The following DGKB variants were observed in gnomAD, a reference collection of about 807,000 sequenced individuals.
DGKB encodes diacylglycerol kinase beta.
A neutral mutation model predicts 114.3 loss-of-function variants in DGKB; 67 were observed. The ratio of observed to expected loss-of-function variants is 0.59; its 90% CI spans 0.48 to 0.72. The LOEUF (loss-of-function observed/expected upper bound fraction) is 0.72, where lower values mean the gene tolerates loss of function less well. Among genes scored for constraint, DGKB ranks in the 30% least tolerant of loss-of-function variants. The pLI is 0.00. For synonymous variants in DGKB, 398 were observed against 323.1 expected, an observed-to-expected ratio of 1.23 and a Z score of -2.49; for missense variants, 907 against 975.2, an observed-to-expected ratio of 0.93 and a Z score of 0.93.
chr7:14,775,399 A>C (rs565173490), intron 2 of DGKB, among the ~76,000 whole-genome samples: 1 of 151,762 alleles, frequency 6.6e-6, no homozygotes, highest in African/African-American at 2.4e-5. Flanking sequence ...CTGTGTCCCC[A>C]CCGAAATCTC....
intron 1 of DGKB, among the ~76,000 whole-genome samples, chr7:14,900,505 C>T (rs909830067): frequency 4.6e-5 from 7 of 152,048 alleles, no homozygotes; most frequent in African/African-American, 1.7e-4. Flanking sequence ...TAGTCGTTAT[C>T]AGTAGGCAGA....
intron 23 of DGKB, among the ~76,000 whole-genome samples, chr7:14,181,731 T>G (rs1445272633): frequency 6.6e-6 from 1 of 152,184 alleles, no homozygotes; most frequent in East Asian, 1.9e-4. Context: ...CTGAAATCCA[T>G]TTGTGTCTAT....
chr7:14,219,463 T>G (rs1789560653), intron 23 of DGKB, among the ~76,000 whole-genome samples: 1 of 151,800 alleles, frequency 6.6e-6, no homozygotes, highest in South Asian at 2.1e-4. Context: ...TTCTAATGGG[T>G]GGGCAGTGGT....
At chr7:14,472,472 G>A (rs1781563667) in intron 21 of DGKB, among the ~76,000 whole-genome samples, 1 of 152,102 alleles carries the variant, frequency 6.6e-6, no homozygotes, top group Non-Finnish European at 1.5e-5. Flanking sequence ...CCTTTCTTTT[G>A]TAAATTGTCC....
At chr7:14,235,332 T>C (rs1378987816) in intron 23 of DGKB, among the ~76,000 whole-genome samples, 1 of 152,112 alleles carries the variant, frequency 6.6e-6, no homozygotes, top group African/African-American at 2.4e-5. Context: ...ATGGTCTCTC[T>C]ACAGTTTTCT....
At chr7:14,887,503 G>C (rs112842773) in intron 1 of DGKB, among the ~76,000 whole-genome samples, 22 of 151,782 alleles carry the variant, frequency 1.4e-4, no homozygotes, top group African/African-American at 5.3e-4. Context: ...TCTGGTTACA[G>C]GTCTACAAAC....
intron 2 of DGKB, among the ~76,000 whole-genome samples, chr7:14,836,548 C>A (rs886684113): frequency 1.3e-5 from 2 of 152,130 alleles, no homozygotes; most frequent in African/African-American, 4.8e-5. Flanking sequence ...TGACGTGGAA[C>A]CACAGCAGAA....
At chr7:14,721,430 G>A (rs748257740) in intron 5 of DGKB, among the ~76,000 whole-genome samples, 2 of 152,030 alleles carry the variant, frequency 1.3e-5, no homozygotes, top group Non-Finnish European at 2.9e-5. Flanking sequence ...AATTATTTTT[G>A]TTTGGAAAAA....
intron 21 of DGKB, among the ~76,000 whole-genome samples, chr7:14,390,076 G>T (rs1241638594): frequency 6.6e-6 from 1 of 152,152 alleles, no homozygotes; most frequent in Non-Finnish European, 1.5e-5. Flanking sequence ...AGTAATTTGA[G>T]TATGAGGAGG....
intron 2 of DGKB, among the ~76,000 whole-genome samples, chr7:14,810,617 C>CA (rs1349393468): frequency 2.0e-5 from 3 of 151,652 alleles, no homozygotes; most frequent in Admixed American, 6.6e-5. Flanking sequence ...TTTCTTGAGA[C>CA]AGAGTCTCAC....
At chr7:14,815,137 G>T (rs554919873) in intron 2 of DGKB, 1 of 152,252 alleles carries the variant, frequency 6.6e-6, no homozygotes, top group South Asian at 2.1e-4. Context: ...TATGTTTATT[G>T]AAGTCTCCTT....
intron 21 of DGKB, among the ~76,000 whole-genome samples, chr7:14,466,751 G>A (rs1040435953): frequency 6.6e-6 from 1 of 152,148 alleles, no homozygotes; most frequent in Non-Finnish European, 1.5e-5. Context: ...CTGGGAGGCG[G>A]AGGTTGCAGT....
In DGKB at chr7:14,146,230, T is replaced by G. The variant is rs955900643; in HGVS notation, c.*2901A>C. The G allele has an allele frequency of 2.0e-5, 3 of 152,248 alleles. No individual in the cohort carries two copies. Among genetic ancestry groups the G allele is most frequent in the African/African-American group, 7.2e-5 (3 of 41,462 alleles). 9.4% of individuals were successfully genotyped at this position (152,248 alleles called of 1,614,324 possible). A position where few individuals can be genotyped will look rare whatever the true frequency, so the allele number is the denominator to read the frequency against. On this transcript the variant is annotated 3_prime_UTR_variant, in exon 26 of 26. Coordinates refer to ENST00000402815, the MANE Select transcript of DGKB (RefSeq NM_001350709.2). ...ACGTCTTTTAAACTTTCTGGTTCTA[T>G]GTAGATACCTCCCTTCCTATCTCTT...
intron 25 of DGKB, among the ~76,000 whole-genome samples, chr7:14,159,693 G>C (rs1783566004): frequency 6.6e-6 from 1 of 152,148 alleles, no homozygotes; most frequent in African/African-American, 2.4e-5. Flanking sequence ...TTTTGAGATG[G>C]AGTCTTGCTC....
chr7:14,508,216 G>C (rs893872376), intron 20 of DGKB, among the ~76,000 whole-genome samples: 2 of 152,166 alleles, frequency 1.3e-5, no homozygotes, highest in African/African-American at 2.4e-5. Flanking sequence ...ACTAAATACT[G>C]TTAGCACAGT....
chr7:14,228,101 G>A (rs528584942), intron 23 of DGKB, among the ~76,000 whole-genome samples: 4 of 152,122 alleles, frequency 2.6e-5, no homozygotes, highest in Non-Finnish European at 4.4e-5. Context: ...TGGCTTTGAC[G>A]ATGAGGGTTA....
chr7:14,945,446 T>G (rs1785819901), intron 1 of DGKB, among the ~76,000 whole-genome samples: 1 of 151,610 alleles, frequency 6.6e-6, no homozygotes, highest in Non-Finnish European at 1.5e-5. Context: ...CACTTACAAT[T>G]TGCCCACTTT....
At chr7:14,848,871 G>A (rs1435366023) in intron 1 of DGKB, among the ~76,000 whole-genome samples, 1 of 152,016 alleles carries the variant, frequency 6.6e-6, no homozygotes, top group Non-Finnish European at 1.5e-5. Flanking sequence ...GTGGTCTGAG[G>A]CTATTTCTGA....
chr7:14,812,849 A>T (rs536330436), intron 2 of DGKB, among the ~76,000 whole-genome samples: 1 of 152,240 alleles, frequency 6.6e-6, no homozygotes, highest in East Asian at 1.9e-4. Flanking sequence ...GCCCTATGAA[A>T]CTGCACCTTA....
Sources: allele counts gnomAD v4.1 joint callset (sites outside exome capture counted in the v4.1 genomes callset), GRCh38; gene constraint gnomAD v4.1.1; transcripts MANE v1.5; gene names NCBI Gene and HGNC (gene_info 2026-07-23, HGNC 2026-07-21).